The following ART3 variants were observed in gnomAD, a reference collection of about 807,000 sequenced individuals.
ART3 encodes the protein ecto-ADP-ribosyltransferase 3.
A neutral mutation model predicts 48.5 loss-of-function variants in ART3; 49 were observed. That is an observed-to-expected ratio of 1.01 (90% CI 0.80 to 1.28). The LOEUF (loss-of-function observed/expected upper bound fraction) is 1.28. Among genes scored for constraint, ART3 ranks in the 50% most tolerant of loss-of-function variants. The pLI is 0.00. For synonymous variants in ART3, 145 were observed against 157.2 expected, an observed-to-expected ratio of 0.92 and a Z score of 0.58; for missense variants, 438 against 454.3, an observed-to-expected ratio of 0.96 and a Z score of 0.33.
intron 10 of ART3, chr4:76,107,534 CTT>C (rs992418846): frequency 1.8e-5 from 6 of 337,502 alleles, no homozygotes; most frequent in African/African-American, 1.3e-4. Context: ...AAAATTTTAA[CTT>C]TTATTTTTAT....
chr4:76,056,923 C>A (rs527469778), intron 1 of ART3, among the ~76,000 whole-genome samples: 1 of 152,236 alleles, frequency 6.6e-6, no homozygotes, highest in South Asian at 2.1e-4. Flanking sequence ...GTTAGCCATA[C>A]TTTAGTAGTT....
chr4:76,104,522 C>G, intron 9 of ART3, 75 bp from the exon 10 acceptor site: 3 of 1,549,210 alleles, frequency 1.9e-6, no homozygotes, highest in South Asian at 1.2e-5. Flanking sequence ...ATCTCTTAAG[C>G]TCAGCAGACA....
intron 11 of ART3, among the ~76,000 whole-genome samples, chr4:76,109,378 CA>C (rs934239114): frequency 1.3e-5 from 2 of 152,070 alleles, no homozygotes; most frequent in Admixed American, 1.3e-4. Context: ...GGAAGGTCTT[CA>C]GGGGTAGTAA....
chr4:76,077,485 G>A (rs770944515), intron 2 of ART3, among the ~76,000 whole-genome samples: 3 of 152,082 alleles, frequency 2.0e-5, no homozygotes, highest in Non-Finnish European at 4.4e-5. Context: ...TTATGTACAA[G>A]TTTTTATGTG....
At chr4:76,030,410 G>A (rs545479415) in intron 1 of ART3, among the ~76,000 whole-genome samples, 2 of 152,330 alleles carry the variant, frequency 1.3e-5, no homozygotes, top group East Asian at 3.9e-4. Flanking sequence ...TTTGTACAGT[G>A]TACTTGTCAT....
intron 8 of ART3, among the ~76,000 whole-genome samples, chr4:76,102,416 T>C (rs1048415664): frequency 2.0e-5 from 3 of 152,226 alleles, no homozygotes; most frequent in Admixed American, 2.0e-4. Flanking sequence ...TAGTCTGGTC[T>C]GTTGGGGCCT....
chr4:76,063,526 A>C (rs372218963), intron 1 of ART3, among the ~76,000 whole-genome samples: 1 of 152,208 alleles, frequency 6.6e-6, no homozygotes, highest in Non-Finnish European at 1.5e-5. Context: ...CAAGATTCAC[A>C]AAAAGAAACT....
At position 76,112,689 on chromosome 4, in the gene ART3, T is replaced by C; in HGVS notation, c.*170T>C. 2.8e-6 allele frequency: 2 copies of C among 724,850 alleles called. No homozygotes were observed. Among genetic ancestry groups the C allele is most frequent in the Non-Finnish European group, 2.1e-6 (1 of 481,866 alleles). 44.9% of individuals were successfully genotyped at this position (724,850 alleles called of 1,614,324 possible). A position where few individuals can be genotyped will look rare whatever the true frequency, so the allele number is the denominator to read the frequency against. ...AATTCAGAAAGTTGGTCCAGATATA[T>C]GTCACAGAACTTTTCACTTGTATAC... On this transcript the variant is annotated 3_prime_UTR_variant, in exon 12 of 12. Coordinates refer to ENST00000355810, the MANE Select transcript of ART3 (RefSeq NM_001130016.3).
At chr4:76,093,548 C>T (rs1324832597) in intron 3 of ART3, among the ~76,000 whole-genome samples, 1 of 152,190 alleles carries the variant, frequency 6.6e-6, no homozygotes, top group Non-Finnish European at 1.5e-5. Context: ...AGATTGAGCT[C>T]ACCTGGAAAA....
chr4:76,035,498 G>GT (rs1432204441), intron 1 of ART3, among the ~76,000 whole-genome samples: 1 of 152,208 alleles, frequency 6.6e-6, no homozygotes, highest in Admixed American at 6.5e-5. Context: ...GAAAAGTTAA[G>GT]TAAGATGTTG....
intron 10 of ART3, chr4:76,105,852 G>A: frequency 3.0e-6 from 3 of 985,428 alleles, no homozygotes; most frequent in Middle Eastern, 5.2e-4. Flanking sequence ...CAGGGTGAAG[G>A]AATCTGTAGA....
chr4:76,044,836 C>A (rs1735342883), intron 1 of ART3, among the ~76,000 whole-genome samples: 1 of 152,018 alleles, frequency 6.6e-6, no homozygotes. Context: ...ATTTTGATGG[C>A]CTTGGTAGTG....
intron 1 of ART3, among the ~76,000 whole-genome samples, chr4:76,014,652 A>G (rs1023005906): frequency 2.0e-5 from 3 of 152,184 alleles, no homozygotes; most frequent in African/African-American, 4.8e-5. Context: ...AATGACTGAA[A>G]ACTAACGAAA....
intron 1 of ART3, among the ~76,000 whole-genome samples, chr4:76,023,915 C>A (rs1052185964): frequency 6.6e-6 from 1 of 152,118 alleles, no homozygotes; most frequent in African/African-American, 2.4e-5. Context: ...TTGGTAACAG[C>A]AAGTTGTGCC....
chr4:76,026,808 G>A (rs1733431856), intron 1 of ART3, among the ~76,000 whole-genome samples: 1 of 152,212 alleles, frequency 6.6e-6, no homozygotes, highest in African/African-American at 2.4e-5. Context: ...GGAGAAGTAG[G>A]CTTGTTCTCA....
intron 2 of ART3, among the ~76,000 whole-genome samples, chr4:76,080,436 GT>G (rs1468845026): frequency 1.3e-5 from 2 of 152,170 alleles, no homozygotes; most frequent in Non-Finnish European, 2.9e-5. Context: ...CTTTGCATAT[GT>G]TCATTACATA....
At chr4:76,096,646 T>C (rs144124054) in intron 3 of ART3, among the ~76,000 whole-genome samples, 2 of 152,360 alleles carry the variant, frequency 1.3e-5, no homozygotes, top group African/African-American at 4.8e-5. Context: ...CTTACCTTAC[T>C]GCTGTTGGCT....
intron 1 of ART3, among the ~76,000 whole-genome samples, chr4:76,047,344 C>T (rs1578312185): frequency 1.3e-5 from 2 of 151,772 alleles, no homozygotes; most frequent in African/African-American, 4.8e-5. Flanking sequence ...TATAGGACAC[C>T]GAGGTTGCCA....
chr4:76,062,762 G>T (rs1014615036), intron 1 of ART3, among the ~76,000 whole-genome samples: 1 of 151,758 alleles, frequency 6.6e-6, no homozygotes, highest in African/African-American at 2.4e-5. Flanking sequence ...GGGTTTCATT[G>T]TGTTAGCCAG....
Sources: gnomAD v4.1 joint callset for allele counts (sites outside exome capture counted in the v4.1 genomes callset) on GRCh38, gnomAD v4.1.1 for gene constraint, MANE v1.5 for transcripts, NCBI Gene and HGNC (gene_info 2026-07-23, HGNC 2026-07-21) for gene names.